Variants in KCND2 observed in about 807,000 individuals in gnomAD.
The protein encoded by KCND2 is A-type voltage-gated potassium channel KCND2.
Under a neutral mutation model 54.4 loss-of-function variants are expected in KCND2, and 16 were observed. That is an observed-to-expected ratio of 0.29 (90% CI 0.20 to 0.45). The LOEUF is 0.45. Among genes scored for constraint, KCND2 ranks in the 20% least tolerant of loss-of-function variants. The pLI is 1.00. For synonymous variants in KCND2, 317 were observed against 310.7 expected, an observed-to-expected ratio of 1.02 and a Z score of -0.21; for missense variants, 486 against 824.2, an observed-to-expected ratio of 0.59 and a Z score of 5.02.
At chr7:120,718,921 G>GATT (rs1201734614) in intron 1 of KCND2, among the ~76,000 whole-genome samples, 1 of 152,104 alleles carries the variant, frequency 6.6e-6, no homozygotes, top group Non-Finnish European at 1.5e-5. Context: ...AGAAAGCTGA[G>GATT]ATAATGAGAG....
chr7:120,602,288 T>C (rs1460078344), intron 1 of KCND2, among the ~76,000 whole-genome samples: 2 of 152,162 alleles, frequency 1.3e-5, no homozygotes, highest in African/African-American at 4.8e-5. Context: ...AAATTCATGG[T>C]GATGAGATTA....
At chr7:120,635,191 GC>G (rs1793288952) in intron 1 of KCND2, among the ~76,000 whole-genome samples, 1 of 152,154 alleles carries the variant, frequency 6.6e-6, no homozygotes, top group Non-Finnish European at 1.5e-5. Context: ...TAGCTCTGGT[GC>G]CCATTGTGGT....
intron 1 of KCND2, among the ~76,000 whole-genome samples, chr7:120,301,025 G>T (rs1383899289): frequency 1.3e-5 from 2 of 152,068 alleles, no homozygotes; most frequent in Non-Finnish European, 2.9e-5. Flanking sequence ...ATGCAAAGTT[G>T]TAATACACAC....
At chr7:120,694,247 C>A (rs536384178) in intron 1 of KCND2, among the ~76,000 whole-genome samples, 1 of 152,282 alleles carries the variant, frequency 6.6e-6, no homozygotes, top group African/African-American at 2.4e-5. Context: ...TATCAACACA[C>A]TTTGGTGGGG....
At chr7:120,499,118 G>T (rs952658918) in intron 1 of KCND2, among the ~76,000 whole-genome samples, 2 of 152,078 alleles carry the variant, frequency 1.3e-5, no homozygotes, top group Non-Finnish European at 2.9e-5. Flanking sequence ...TATTCTAATT[G>T]CCTAACCTGT....
chr7:120,367,508 T>G (rs1800704046), intron 1 of KCND2, among the ~76,000 whole-genome samples: 1 of 151,620 alleles, frequency 6.6e-6, no homozygotes, highest in East Asian at 1.9e-4. Context: ...ATAAGGCTCG[T>G]AAAGTAGGTG....
At chr7:120,735,412 C>A (rs1051143126) in intron 2 of KCND2, among the ~76,000 whole-genome samples, 2 of 152,068 alleles carry the variant, frequency 1.3e-5, no homozygotes, top group Non-Finnish European at 2.9e-5. Flanking sequence ...TTTCAACCAC[C>A]CATCTATCTC....
chr7:120,308,686 G>T (rs1584722863), intron 1 of KCND2, among the ~76,000 whole-genome samples: 2 of 152,114 alleles, frequency 1.3e-5, no homozygotes, highest in East Asian at 3.9e-4. Flanking sequence ...AGTCATATTG[G>T]TCTTGTTCAA....
chr7:120,640,552 G>T (rs1175174115), intron 1 of KCND2, among the ~76,000 whole-genome samples: 1 of 151,914 alleles, frequency 6.6e-6, no homozygotes, highest in Non-Finnish European at 1.5e-5. Flanking sequence ...TCTTAGAGGA[G>T]GAATAATTTT....
intron 1 of KCND2, among the ~76,000 whole-genome samples, chr7:120,483,005 G>A (rs1802629299): frequency 6.6e-6 from 1 of 152,132 alleles, no homozygotes; most frequent in Non-Finnish European, 1.5e-5. Flanking sequence ...GCTTGGCAAG[G>A]TGAGGGGACT....
At chr7:120,595,509 GTATATATATGTA>G (rs1206226873) in intron 1 of KCND2, among the ~76,000 whole-genome samples, 5 of 142,322 alleles carry the variant, frequency 3.5e-5, no homozygotes, top group African/African-American at 1.3e-4. Flanking sequence ...GTGTGTGTGT[GTATATATATGTA>G]TATATATGTG....
intron 1 of KCND2, among the ~76,000 whole-genome samples, chr7:120,660,170 T>C (rs1032779139): frequency 6.6e-6 from 1 of 152,214 alleles, no homozygotes; most frequent in Non-Finnish European, 1.5e-5. Context: ...GATTCTACTA[T>C]TATTTTAAAC....
intron 1 of KCND2, among the ~76,000 whole-genome samples, chr7:120,511,422 C>G (rs1012969244): frequency 3.9e-5 from 6 of 152,172 alleles, no homozygotes; most frequent in African/African-American, 1.2e-4. Flanking sequence ...CTAGATATCT[C>G]TAGCACCTGG....
At chr7:120,472,918 A>G (rs1490156690) in intron 1 of KCND2, among the ~76,000 whole-genome samples, 1 of 152,232 alleles carries the variant, frequency 6.6e-6, no homozygotes, top group Non-Finnish European at 1.5e-5. Flanking sequence ...AATTGTGAGC[A>G]GTTAATAAAG....
chr7:120,311,171 A>T (rs1213199272), intron 1 of KCND2, among the ~76,000 whole-genome samples: 1 of 152,150 alleles, frequency 6.6e-6, no homozygotes, highest in African/African-American at 2.4e-5. Context: ...TGATTAACAG[A>T]GTGTAGACAT....
chr7:120,341,329 G>A (rs1429595327), intron 1 of KCND2, among the ~76,000 whole-genome samples: 3 of 152,124 alleles, frequency 2.0e-5, no homozygotes, highest in African/African-American at 7.2e-5. Flanking sequence ...TTGTCAAATT[G>A]AATTTAAAGT....
At chr7:120,352,996 C>T (rs1030510602) in intron 1 of KCND2, among the ~76,000 whole-genome samples, 3 of 151,854 alleles carry the variant, frequency 2.0e-5, no homozygotes, top group African/African-American at 7.3e-5. Flanking sequence ...AGCGAATTGA[C>T]AAAATAATAA....
chr7:120,275,171 C>A lies in KCND2; in HGVS notation c.539C>A (p.Thr180Asn). Residue 180 changes from threonine (T) to asparagine (N), a missense_variant, in exon 1 of 6, where the codon ACC becomes AAC. Physicochemically the swap from Thr to Asn is moderately conservative, Grantham distance 65 (BLOSUM62 0). Transcript: ENST00000331113. ...TGGAGGGCCTTCGAGAACCCCCACACCAGCACGATGGCCCTGGTGTTCTAC... is the reference window on the plus strand; with the variant it reads ...TGGAGGGCCTTCGAGAACCCCCACAACAGCACGATGGCCCTGGTGTTCTAC... ...RVWRAFENPH[T>N]STMALVFYYV... The A allele has an allele frequency of 6.2e-7, 1 of 1,614,094 alleles. No individual in the cohort carries two copies. The highest frequency in any genetic ancestry group is 8.5e-7 in the Non-Finnish European group (1 of 1,180,016).
intron 1 of KCND2, among the ~76,000 whole-genome samples, chr7:120,284,396 T>C (rs1799309850): frequency 1.3e-5 from 2 of 152,130 alleles, no homozygotes; most frequent in South Asian, 2.1e-4. Flanking sequence ...TAGTGCACTT[T>C]GGAAAAATGA....
Sources: gnomAD v4.1 joint callset for allele counts (sites outside exome capture counted in the v4.1 genomes callset) on GRCh38, gnomAD v4.1.1 for gene constraint, MANE v1.5 for transcripts, NCBI Gene and HGNC (gene_info 2026-07-23, HGNC 2026-07-21) for gene names.